The following PAM variants were observed in gnomAD, a reference collection of about 807,000 sequenced individuals.
PAM encodes peptidyl-glycine alpha-amidating monooxygenase.
PAM carries 72 observed loss-of-function variants against 122.1 expected under a neutral mutation model. The ratio of observed to expected loss-of-function variants is 0.59; its 90% CI spans 0.49 to 0.72. The LOEUF (loss-of-function observed/expected upper bound fraction) is 0.72, where lower values mean the gene tolerates loss of function less well. Ranked by LOEUF, PAM falls within the 30% of genes least tolerant of loss-of-function variation. PAM has a pLI of 0.00. For missense variants in PAM, 1,106 were observed against 1,183.7 expected (o/e 0.93, Z 0.96); for synonymous variants, 389 against 404.4 (o/e 0.96, Z 0.46).
At chr5:102,772,384 T>C (rs1756045261) in intron 1 of PAM, among the ~76,000 whole-genome samples, 1 of 152,078 alleles carries the variant, frequency 6.6e-6, no homozygotes, top group South Asian at 2.1e-4. Flanking sequence ...TGTTTGAAAA[T>C]GGCCTGTTTT....
intron 20 of PAM, among the ~76,000 whole-genome samples, chr5:103,008,471 T>C (rs1358990170): frequency 2.0e-5 from 3 of 152,060 alleles, no homozygotes; most frequent in African/African-American, 4.8e-5. Context: ...TGAAGTGAAA[T>C]GAGATCAATA....
rs1374055613 is a variant in PAM, at chr5:103,003,059, A to G, written c.1640A>G (p.Gln547Arg). The G allele has an allele frequency of 6.3e-7, 1 of 1,599,386 alleles. No homozygotes were observed. The highest frequency in any genetic ancestry group is 8.6e-7 in the Non-Finnish European group (1 of 1,166,846). The change falls in exon 17 of 26, where the codon CAG becomes CGG. Residue 547 changes from glutamine (Q) to arginine (R), a missense_variant. This residue lies in a region of PAM where 670 missense variants were observed against 690.3 expected (regional missense o/e 0.97). Coordinates refer to ENST00000438793, the MANE Select transcript of PAM (RefSeq NM_001177306.2). ...GNSFDSKFVY[Q>R]QIGLGPIEED... ...TCGTTTGACAGCAAGTTTGTTTACC[A>G]GCAAATAGGACTCGGACCAATTGAA...
intron 2 of PAM, 147 bp downstream of exon 2, chr5:102,866,431 C>A: frequency 1.6e-6 from 1 of 635,790 alleles, no homozygotes; most frequent in Non-Finnish European, 2.9e-6. Flanking sequence ...CTTGTGAAGT[C>A]CCCCGTGCAG....
intron 7 of PAM, among the ~76,000 whole-genome samples, chr5:102,940,115 TACACAC>T (rs66466018): frequency 0.02 from 2,631 of 134,450 alleles, 36 homozygotes; most frequent in Admixed American, 0.036. Flanking sequence ...TATGTATACA[TACACAC>T]ACACACACAC....
intron 15 of PAM, among the ~76,000 whole-genome samples, chr5:102,977,894 A>T (rs1768270654): frequency 6.6e-6 from 1 of 152,150 alleles, no homozygotes; most frequent in African/African-American, 2.4e-5. Flanking sequence ...TAGTTTTCTC[A>T]TCTATAAAAT....
intron 24 of PAM, among the ~76,000 whole-genome samples, chr5:103,025,714 G>A (rs1784765852): frequency 6.6e-6 from 1 of 152,044 alleles, no homozygotes; most frequent in Admixed American, 6.6e-5. Flanking sequence ...AAAGTACCTG[G>A]GTCAGTTTTT....
At chr5:102,839,120 A>C (rs982760042) in intron 1 of PAM, among the ~76,000 whole-genome samples, 10 of 152,212 alleles carry the variant, frequency 6.6e-5, no homozygotes, top group Non-Finnish European at 1.5e-4. Context: ...GTCAAGAAAT[A>C]GAACATTACT....
rs185645396 is a variant in PAM at position 102,855,960 on chromosome 5, A to G, written c.-373-9863A>G. Among the ~76,000 whole-genome samples, 60 of 152,240 alleles carry G rather than the reference A, an allele frequency of 3.9e-4. 4 individuals carry two copies. Among genetic ancestry groups the G allele is most frequent in the African/African-American group, 1.4e-3 (58 of 41,550 alleles). On this transcript the variant is annotated intron_variant, in intron 1 of 25. Coordinates refer to ENST00000438793, the MANE Select transcript of PAM (RefSeq NM_001177306.2). ...GCATTAATGCAAAAGATCTTTCAAT[A>G]CCTAAATCAGTGGGTCAATCTATGA...
intron 1 of PAM, among the ~76,000 whole-genome samples, chr5:102,834,215 A>G (rs1393156152): frequency 6.6e-6 from 1 of 152,144 alleles, no homozygotes; most frequent in East Asian, 1.9e-4. Flanking sequence ...TTTGTTCCTC[A>G]TTATGAGTGT....
chr5:102,857,121 T>G (rs1029699484), intron 1 of PAM, among the ~76,000 whole-genome samples: 4 of 152,102 alleles, frequency 2.6e-5, no homozygotes, highest in Non-Finnish European at 4.4e-5. Flanking sequence ...GCTGGCCAGT[T>G]ATAAAAAAAA....
intron 19 of PAM, 105 bp from the exon 20 acceptor site, chr5:103,007,352 C>T (rs1447035012): frequency 4.6e-6 from 4 of 864,248 alleles, no homozygotes; most frequent in Non-Finnish European, 7.6e-6. Context: ...TCCCCTGGCT[C>T]CAGGCATTTA....
At position 102,987,333 on chromosome 5, in the gene PAM, A is replaced by T. The variant is rs1005100422; in HGVS notation, c.1484-2939A>T. ...TATTCATACTCATATGTGGAAGCTTAAAAAGTTGATCTCATGGAGGTAGAG... is the reference window on the plus strand; with the variant it reads ...TATTCATACTCATATGTGGAAGCTTTAAAAGTTGATCTCATGGAGGTAGAG... On this transcript the variant is annotated intron_variant, in intron 15 of 25. Coordinates refer to ENST00000438793, the MANE Select transcript of PAM (RefSeq NM_001177306.2). 5.5e-4 allele frequency among the ~76,000 whole-genome samples: 84 copies of T among 152,184 alleles called. 1 individual carries two copies. Among genetic ancestry groups the T allele is most frequent in the African/African-American group, 2.0e-3 (82 of 41,450 alleles).
chr5:103,023,438 A>G (rs1384062652), intron 23 of PAM, among the ~76,000 whole-genome samples: 1 of 151,188 alleles, frequency 6.6e-6, no homozygotes, highest in Non-Finnish European at 1.5e-5. Flanking sequence ...ATTTATTGCA[A>G]TTTTCTTATT....
chr5:102,842,540 C>T (rs1367700668), intron 1 of PAM, among the ~76,000 whole-genome samples: 1 of 152,204 alleles, frequency 6.6e-6, no homozygotes, highest in Non-Finnish European at 1.5e-5. Context: ...CCATGTGGAA[C>T]TTTAAGTCCG....
chr5:102,962,644 C>G (rs184586039), intron 14 of PAM, among the ~76,000 whole-genome samples: 87 of 151,784 alleles, frequency 5.7e-4, no homozygotes, highest in African/African-American at 2.1e-3. Context: ...TCAAGTTGAT[C>G]AAGGGAAACA....
chr5:102,986,208 G>A (rs938779467), intron 15 of PAM, among the ~76,000 whole-genome samples: 2 of 152,072 alleles, frequency 1.3e-5, no homozygotes, highest in African/African-American at 2.4e-5. Context: ...TTCCTATTCC[G>A]CATAGTACTA....
intron 1 of PAM, among the ~76,000 whole-genome samples, chr5:102,788,984 A>G (rs1307411893): frequency 6.6e-6 from 1 of 152,176 alleles, no homozygotes; most frequent in African/African-American, 2.4e-5. Context: ...CTAGGTGTGA[A>G]GAAACTGGAA....
intron 1 of PAM, among the ~76,000 whole-genome samples, chr5:102,861,727 A>G (rs956515364): frequency 6.6e-6 from 1 of 152,224 alleles, no homozygotes. Flanking sequence ...TTAGGAAGTT[A>G]TACTAAAGTG....
chr5:102,841,951 G>A (rs935515570), intron 1 of PAM, among the ~76,000 whole-genome samples: 2 of 152,072 alleles, frequency 1.3e-5, no homozygotes, highest in Non-Finnish European at 2.9e-5. Context: ...CATGTGGCAA[G>A]TCTATCTGGA....
Sources: allele counts gnomAD v4.1 joint callset (sites outside exome capture counted in the v4.1 genomes callset), GRCh38; gene constraint gnomAD v4.1.1; regional missense constraint gnomAD v4.1.1; transcripts MANE v1.5; gene names NCBI Gene and HGNC (gene_info 2026-07-23, HGNC 2026-07-21).